TOP6BL: variants seen among roughly 807,000 people sequenced by gnomAD.
TOP6BL encodes the protein type 2 DNA topoisomerase 6 subunit B-like.
the TOP6BL span, among the ~76,000 whole-genome samples, chr11:66,831,907 G>A: frequency 2.9e-5 from 4 of 139,122 alleles, no homozygotes; most frequent in Non-Finnish European, 6.1e-5. Flanking sequence ...TGAGGCAGGA[G>A]AATTGCTTGA....
chr11:66,800,627 T>A, the TOP6BL span: 1 of 1,587,238 alleles, frequency 6.3e-7, no homozygotes, highest in Admixed American at 1.8e-5. Context: ...CACACTTAAC[T>A]TATTGTTTTG....
the TOP6BL span, among the ~76,000 whole-genome samples, chr11:66,840,462 C>T: frequency 1.3e-5 from 2 of 152,112 alleles, no homozygotes; most frequent in Admixed American, 1.3e-4. Flanking sequence ...ACTGCTGCAC[C>T]TTCAGCCTTC....
the TOP6BL span, among the ~76,000 whole-genome samples, chr11:66,806,240 G>C: frequency 2.0e-5 from 3 of 152,182 alleles, no homozygotes; most frequent in Non-Finnish European, 4.4e-5. Flanking sequence ...CACTTAACCA[G>C]CCTAAGCCTT....
At chr11:66,816,650 C>T in the TOP6BL span, among the ~76,000 whole-genome samples, 1 of 152,234 alleles carries the variant, frequency 6.6e-6, no homozygotes, top group Non-Finnish European at 1.5e-5. Context: ...CAACATCAAA[C>T]TCCTGGGCTC....
the TOP6BL span, chr11:66,803,971 T>C: frequency 3.8e-4 from 590 of 1,563,316 alleles, no homozygotes; most frequent in African/African-American, 7.1e-3. Flanking sequence ...AAATGTTAAA[T>C]TTGACTTGTC....
chr11:66,831,571 G>A, the TOP6BL span, among the ~76,000 whole-genome samples: 1 of 152,202 alleles, frequency 6.6e-6, no homozygotes, highest in Non-Finnish European at 1.5e-5. Flanking sequence ...CAGGTCAGTG[G>A]TTACTAGAGG....
the TOP6BL span, among the ~76,000 whole-genome samples, chr11:66,770,761 C>G: frequency 2.6e-5 from 4 of 152,106 alleles, no homozygotes. Flanking sequence ...TAAACTCCAT[C>G]TTCCCCTTTA....
At chr11:66,754,351 A>G in the TOP6BL span, among the ~76,000 whole-genome samples, 3 of 151,912 alleles carry the variant, frequency 2.0e-5, no homozygotes, top group Non-Finnish European at 4.4e-5. Context: ...CGTTTCTCTC[A>G]TAATTTTTAT....
chr11:66,813,690 G>A, the TOP6BL span, among the ~76,000 whole-genome samples: 334 of 150,730 alleles, frequency 2.2e-3, no homozygotes, highest in African/African-American at 7.4e-3. Context: ...CTGAGATGGC[G>A]CCATTGCACT....
the TOP6BL span, among the ~76,000 whole-genome samples, chr11:66,791,338 C>T: frequency 6.6e-6 from 1 of 152,114 alleles, no homozygotes; most frequent in Non-Finnish European, 1.5e-5. Context: ...CAAAAGCAAT[C>T]TGATTTTATA....
the TOP6BL span, among the ~76,000 whole-genome samples, chr11:66,790,727 C>T: frequency 6.6e-6 from 1 of 152,138 alleles, no homozygotes; most frequent in Admixed American, 6.5e-5. Context: ...AGTTCCAAGC[C>T]GTGGCCATGG....
At chr11:66,759,075 GTCC>G in the TOP6BL span, 1 of 1,561,738 alleles carries the variant, frequency 6.4e-7, no homozygotes, top group South Asian at 1.2e-5. Context: ...TGGTGGCATG[GTCC>G]TCAAGAAGTT....
At chr11:66,763,262 C>T in the TOP6BL span, among the ~76,000 whole-genome samples, 1 of 152,094 alleles carries the variant, frequency 6.6e-6, no homozygotes, top group Admixed American at 6.6e-5. Context: ...AGATGTATTC[C>T]CCTTTTCCTT....
the TOP6BL span, among the ~76,000 whole-genome samples, chr11:66,817,650 G>C: frequency 6.6e-6 from 1 of 151,994 alleles, no homozygotes; most frequent in African/African-American, 2.4e-5. Flanking sequence ...TGTTGGTCAG[G>C]CTGGTCTCGA....
At chr11:66,779,065 A>G in the TOP6BL span, among the ~76,000 whole-genome samples, 1 of 152,244 alleles carries the variant, frequency 6.6e-6, no homozygotes, top group African/African-American at 2.4e-5. Context: ...AAACTCTAGA[A>G]GAAAACCTAG....
At chr11:66,811,484 G>A in the TOP6BL span, among the ~76,000 whole-genome samples, 1 of 152,280 alleles carries the variant, frequency 6.6e-6, no homozygotes. Context: ...GAGCTACTGT[G>A]CCCAGCCTAT....
chr11:66,812,343 A>ATT, the TOP6BL span, among the ~76,000 whole-genome samples: 1 of 151,878 alleles, frequency 6.6e-6, no homozygotes, highest in Non-Finnish European at 1.5e-5. Flanking sequence ...CGCCCGGCTA[A>ATT]TTTTTTGTAT....
the TOP6BL span, among the ~76,000 whole-genome samples, chr11:66,814,656 T>A: frequency 2.0e-5 from 3 of 152,148 alleles, no homozygotes; most frequent in Non-Finnish European, 4.4e-5. Flanking sequence ...AGAGGATTTC[T>A]AATGTACCTA....
the TOP6BL span, chr11:66,762,044 A>G: frequency 2.9e-6 from 4 of 1,397,824 alleles, no homozygotes; most frequent in Non-Finnish European, 4.1e-6. Context: ...CCCCCCAGCA[A>G]CTTTCCGCAC....
Sources: allele counts gnomAD v4.1 joint callset (sites outside exome capture counted in the v4.1 genomes callset), GRCh38; gene constraint gnomAD v4.1.1; transcripts MANE v1.5; gene names NCBI Gene and HGNC (gene_info 2026-07-23, HGNC 2026-07-21).